The following PTPRT variants were observed in gnomAD, a reference collection of about 807,000 sequenced individuals.
PTPRT encodes the protein receptor-type tyrosine-protein phosphatase T.
Under a neutral mutation model 176.8 loss-of-function variants are expected in PTPRT, and 56 were observed. The observed-to-expected ratio is 0.32, with a 90% CI of 0.26 to 0.40. The LOEUF (loss-of-function observed/expected upper bound fraction) is 0.40, where lower values mean the gene tolerates loss of function less well. Ranked by LOEUF, PTPRT falls within the 10% of genes least tolerant of loss-of-function variation. The pLI is 1.00. For missense variants in PTPRT, 1,540 were observed against 1,908.2 expected (o/e 0.81, Z 3.60); for synonymous variants, 783 against 739.0 (o/e 1.06, Z -0.96).
chr20:42,183,336 A>G (rs1990600329), intron 16 of PTPRT, among the ~76,000 whole-genome samples: 1 of 152,152 alleles, frequency 6.6e-6, no homozygotes, highest in South Asian at 2.1e-4. Context: ...GACCAACACC[A>G]TGGACAGAGA....
At chr20:42,202,028 G>T (rs1474747284) in intron 15 of PTPRT, among the ~76,000 whole-genome samples, 1 of 151,578 alleles carries the variant, frequency 6.6e-6, no homozygotes, top group Non-Finnish European at 1.5e-5. Flanking sequence ...GGAGTGCAGT[G>T]GTGCGATTTC....
intron 13 of PTPRT, among the ~76,000 whole-genome samples, chr20:42,265,231 G>C (rs1418823353): frequency 1.3e-5 from 2 of 152,096 alleles, no homozygotes; most frequent in East Asian, 3.9e-4. Context: ...GCTCAGAATG[G>C]GTGTTCTCTA....
At chr20:42,920,129 A>C (rs1358602455) in intron 1 of PTPRT, among the ~76,000 whole-genome samples, 1 of 152,220 alleles carries the variant, frequency 6.6e-6, no homozygotes, top group Non-Finnish European at 1.5e-5. Flanking sequence ...TTAAGGATGA[A>C]TAAAGTGAAT....
chr20:43,079,070 T>C (rs563264069), intron 1 of PTPRT, among the ~76,000 whole-genome samples: 102 of 152,266 alleles, frequency 6.7e-4, no homozygotes, highest in African/African-American at 2.1e-3. Context: ...TCCCTGGAAA[T>C]TAAGAGTCAC....
chr20:42,506,346 C>T (rs2071844454), intron 7 of PTPRT, among the ~76,000 whole-genome samples: 1 of 152,194 alleles, frequency 6.6e-6, no homozygotes, highest in Non-Finnish European at 1.5e-5. Context: ...CTCATCCACA[C>T]ACTTCAATAA....
intron 13 of PTPRT, among the ~76,000 whole-genome samples, chr20:42,258,069 G>A (rs774971427): frequency 9.9e-5 from 15 of 152,096 alleles, no homozygotes; most frequent in Non-Finnish European, 2.1e-4. Flanking sequence ...AGAGAAATGT[G>A]TTTGTCTTTT....
intron 2 of PTPRT, among the ~76,000 whole-genome samples, chr20:42,882,285 C>T (rs193209319): frequency 3.2e-4 from 48 of 152,288 alleles, no homozygotes; most frequent in East Asian, 7.7e-4. Flanking sequence ...AATCCACAGG[C>T]GCATCATGAC....
At chr20:43,090,899 T>G (rs2011817302) in intron 1 of PTPRT, among the ~76,000 whole-genome samples, 1 of 152,044 alleles carries the variant, frequency 6.6e-6, no homozygotes, top group Non-Finnish European at 1.5e-5. Flanking sequence ...ATGCAAAGTG[T>G]CCATCAAGTG....
At chr20:42,212,356 A>G (rs2055661105) in intron 15 of PTPRT, among the ~76,000 whole-genome samples, 1 of 150,490 alleles carries the variant, frequency 6.6e-6, no homozygotes, top group African/African-American at 2.4e-5. Flanking sequence ...GGGAAGTCAC[A>G]AAGTATAAGT....
chr20:42,648,817 G>A lies in PTPRT; in HGVS notation c.1153+29049C>T, dbSNP rs112638551. On this transcript the variant is annotated intron_variant, in intron 7 of 30. Coordinates refer to ENST00000373187, the MANE Select transcript of PTPRT (RefSeq NM_007050.6). The stretch of plus-strand genomic sequence containing the variant: ...AAAGGGGATTTTTTTTTTTGGTGTC[G>A]TTGTTTTTTTTTTTTTTTTTTGACA... Among the ~76,000 whole-genome samples, 801 of 109,936 alleles carry A rather than the reference G, an allele frequency of 7.3e-3. 18 individuals carry two copies. The highest frequency in any genetic ancestry group is 0.034 in the African/African-American group (758 of 22,142). The allele number at this position is 109,936 out of a possible 152,430, so 72.1% of individuals were successfully genotyped here.
At chr20:42,961,702 G>GC (rs1981994464) in intron 1 of PTPRT, among the ~76,000 whole-genome samples, 1 of 152,088 alleles carries the variant, frequency 6.6e-6, no homozygotes, top group Non-Finnish European at 1.5e-5. Flanking sequence ...TGAATGATGG[G>GC]CCCCTAAAAA....
chr20:42,315,467 T>G (rs2057706596), intron 12 of PTPRT, among the ~76,000 whole-genome samples: 1 of 152,200 alleles, frequency 6.6e-6, no homozygotes, highest in African/African-American at 2.4e-5. Context: ...ATATAATAAA[T>G]ATCTTAGGCT....
chr20:42,298,397 A>C (rs945555490), intron 12 of PTPRT, among the ~76,000 whole-genome samples: 6 of 152,196 alleles, frequency 3.9e-5, no homozygotes, highest in Non-Finnish European at 8.8e-5. Flanking sequence ...GACAAATGCA[A>C]GTTGGTTTTA....
intron 5 of PTPRT, among the ~76,000 whole-genome samples, chr20:42,769,461 A>G (rs1347211270): frequency 6.6e-6 from 1 of 152,230 alleles, no homozygotes; most frequent in Non-Finnish European, 1.5e-5. Flanking sequence ...AATTAAAAAG[A>G]CTGACCATAC....
intron 1 of PTPRT, among the ~76,000 whole-genome samples, chr20:43,165,220 G>T (rs189054201): frequency 6.6e-6 from 1 of 150,614 alleles, no homozygotes; most frequent in Non-Finnish European, 1.5e-5. Context: ...GTGCAATGGC[G>T]CAATGTCGGC....
chr20:42,848,331 G>T (rs2078411851), intron 2 of PTPRT, among the ~76,000 whole-genome samples: 1 of 152,144 alleles, frequency 6.6e-6, no homozygotes, highest in Non-Finnish European at 1.5e-5. Context: ...TTTCCTTTGG[G>T]TAGATACCCA....
intron 7 of PTPRT, among the ~76,000 whole-genome samples, chr20:42,670,483 T>G (rs1374162050): frequency 6.6e-6 from 1 of 152,204 alleles, no homozygotes; most frequent in Non-Finnish European, 1.5e-5. Flanking sequence ...AGCCCAGCAA[T>G]TTGAATTTAT....
chr20:42,609,292 T>TCGAACTCCTGACCGCAAACGATCCGCC (rs1034712079), intron 7 of PTPRT, among the ~76,000 whole-genome samples: 1 of 152,042 alleles, frequency 6.6e-6, no homozygotes. Context: ...CAGGCTGGTC[T>TCGAACTCCTGACCGCAAACGATCCGCC]CGAACTCCTG....
At chr20:42,561,435 C>T (rs1352584393) in intron 7 of PTPRT, among the ~76,000 whole-genome samples, 2 of 152,230 alleles carry the variant, frequency 1.3e-5, no homozygotes, top group Admixed American at 6.5e-5. Context: ...CACTGCTCTG[C>T]TGTCACTATC....
Sources: gnomAD v4.1 joint callset for allele counts (sites outside exome capture counted in the v4.1 genomes callset) on GRCh38, gnomAD v4.1.1 for gene constraint, MANE v1.5 for transcripts, NCBI Gene and HGNC (gene_info 2026-07-23, HGNC 2026-07-21) for gene names.